LRRTM4: variants seen among roughly 807,000 people sequenced by gnomAD.
The protein encoded by LRRTM4 is leucine-rich repeat transmembrane neuronal protein 4.
Under a neutral mutation model 47.6 loss-of-function variants are expected in LRRTM4, and 25 were observed. The ratio of observed to expected loss-of-function variants is 0.53; its 90% CI spans 0.38 to 0.73. LRRTM4 has a LOEUF of 0.73. Ranked by LOEUF, LRRTM4 falls within the 30% of genes least tolerant of loss-of-function variation. LRRTM4 has a pLI of 0.00. For synonymous variants in LRRTM4, 311 were observed against 269.5 expected (o/e 1.15, Z -1.51); for missense variants, 638 against 713.4 (o/e 0.89, Z 1.20).
At chr2:76,904,198 A>G (rs1210328577) in intron 3 of LRRTM4, among the ~76,000 whole-genome samples, 1 of 152,206 alleles carries the variant, frequency 6.6e-6, no homozygotes, top group Non-Finnish European at 1.5e-5. Context: ...CTCTATTACA[A>G]TTGTCCTGGA....
chr2:77,231,571 G>T (rs536562031), intron 3 of LRRTM4, among the ~76,000 whole-genome samples: 1 of 151,752 alleles, frequency 6.6e-6, no homozygotes, highest in African/African-American at 2.4e-5. Context: ...AGCCCATAAA[G>T]CTTAACAGTT....
rs149814197 is a variant in LRRTM4, at chr2:77,063,183, C to T, written c.1552-314267G>A. ...CCATATTGGCCAGGCTGGTCTCGAA[C>T]GCCTGACCTCGTGATCCGCCCACCT... On this transcript the variant is annotated intron_variant, in intron 3 of 3. Coordinates refer to ENST00000409884, the MANE Select transcript of LRRTM4 (RefSeq NM_001134745.3). Among the ~76,000 whole-genome samples the T allele has an allele frequency of 8.2e-3, 1,240 of 152,030 alleles. 17 individuals carry two copies. The highest frequency in any genetic ancestry group is 0.027 in the African/African-American group (1,121 of 41,446).
At chr2:77,058,398 G>T (rs74391364) in intron 3 of LRRTM4, among the ~76,000 whole-genome samples, 1 of 152,162 alleles carries the variant, frequency 6.6e-6, no homozygotes, top group Non-Finnish European at 1.5e-5. Context: ...AGGCAAATGT[G>T]AAGAGAGGGC....
intron 3 of LRRTM4, among the ~76,000 whole-genome samples, chr2:77,000,055 T>C (rs1049914973): frequency 2.6e-5 from 4 of 151,904 alleles, no homozygotes; most frequent in African/African-American, 9.7e-5. Flanking sequence ...GACTGAAAAA[T>C]ATCACCTAAG....
At chr2:76,944,104 T>A (rs950080619) in intron 3 of LRRTM4, among the ~76,000 whole-genome samples, 3 of 152,206 alleles carry the variant, frequency 2.0e-5, no homozygotes, top group African/African-American at 4.8e-5. Context: ...CCTTCATAAT[T>A]GCCCCTTGCT....
intron 3 of LRRTM4, among the ~76,000 whole-genome samples, chr2:77,399,167 CTTTTTT>C (rs568671038): frequency 7.3e-6 from 1 of 136,696 alleles, no homozygotes; most frequent in East Asian, 2.1e-4. Flanking sequence ...AACAGCAGGG[CTTTTTT>C]TTTTTTTAAT....
intron 3 of LRRTM4, among the ~76,000 whole-genome samples, chr2:76,904,681 A>C (rs1169093971): frequency 6.6e-6 from 1 of 152,180 alleles, no homozygotes; most frequent in Non-Finnish European, 1.5e-5. Flanking sequence ...TGGAAAGAAC[A>C]CTGGCTTTGA....
At chr2:77,282,186 A>C (rs1415219338) in intron 3 of LRRTM4, among the ~76,000 whole-genome samples, 1 of 151,720 alleles carries the variant, frequency 6.6e-6, no homozygotes, top group Non-Finnish European at 1.5e-5. Context: ...TGGATACTTC[A>C]TTTTTTGGTG....
chr2:77,344,473 T>C (rs1573286102), intron 3 of LRRTM4, among the ~76,000 whole-genome samples: 1 of 151,778 alleles, frequency 6.6e-6, no homozygotes, highest in Non-Finnish European at 1.5e-5. Context: ...AAACTGAAGA[T>C]ATGTAATAAA....
At chr2:77,097,489 T>C (rs1670841873) in intron 3 of LRRTM4, among the ~76,000 whole-genome samples, 1 of 151,924 alleles carries the variant, frequency 6.6e-6, no homozygotes, top group South Asian at 2.1e-4. Context: ...AATTTCAAGA[T>C]TTCATGTTTT....
chr2:76,886,844 AG>A (rs1287916076), intron 3 of LRRTM4, among the ~76,000 whole-genome samples: 7 of 151,962 alleles, frequency 4.6e-5, no homozygotes. Flanking sequence ...ATAAATGAAA[AG>A]CTCATATTTT....
intron 2 of LRRTM4, among the ~76,000 whole-genome samples, chr2:77,520,722 T>C (rs1048461475): frequency 5.3e-5 from 8 of 152,102 alleles, no homozygotes; most frequent in Admixed American, 4.6e-4. Flanking sequence ...AGCCAACTAC[T>C]ATTTTTCTCT....
intron 3 of LRRTM4, among the ~76,000 whole-genome samples, chr2:77,400,866 A>C (rs1211072695): frequency 6.6e-6 from 1 of 151,904 alleles, no homozygotes; most frequent in East Asian, 1.9e-4. Context: ...AGCCCATGAA[A>C]TAAAAATGAT....
chr2:77,221,565 G>A (rs1674633060), intron 3 of LRRTM4, among the ~76,000 whole-genome samples: 1 of 152,018 alleles, frequency 6.6e-6, no homozygotes, highest in Non-Finnish European at 1.5e-5. Flanking sequence ...CCTACTCTCT[G>A]ATAAAACAGA....
At chr2:76,960,770 C>T (rs945344490) in intron 3 of LRRTM4, among the ~76,000 whole-genome samples, 6 of 151,514 alleles carry the variant, frequency 4.0e-5, no homozygotes, top group Middle Eastern at 3.4e-3. Flanking sequence ...AAACTGTAAG[C>T]CTTTTTATAT....
intron 3 of LRRTM4, among the ~76,000 whole-genome samples, chr2:76,989,073 A>G (rs1386557817): frequency 2.6e-5 from 4 of 151,818 alleles, no homozygotes; most frequent in South Asian, 2.1e-4. Flanking sequence ...TGCTTCTCAA[A>G]TAGTTATTTT....
At chr2:76,763,432 A>C (rs75199805) in intron 3 of LRRTM4, among the ~76,000 whole-genome samples, 2,724 of 152,332 alleles carry the variant, frequency 0.018, 40 homozygotes, top group Middle Eastern at 0.041. Flanking sequence ...TTGGACAAAA[A>C]CAGTCATGTG....
Position 77,184,474 on chromosome 2 carries a change from CATT to C in LRRTM4, c.1551+333841_1551+333843del, listed in dbSNP as rs546274460. On this transcript the variant is annotated intron_variant, in intron 3 of 3. Coordinates refer to ENST00000409884, the MANE Select transcript of LRRTM4 (RefSeq NM_001134745.3). ...AAAAATGGTATTGAAATGAGAATAT[CATT>C]GAGTACTCGATTTTAAAAAATTCAA... 1.6e-4 allele frequency among the ~76,000 whole-genome samples: 24 copies of C among 152,188 alleles called. No homozygotes were observed. In the South Asian group the frequency reaches 4.1e-3, roughly 26 times the overall value.
intron 3 of LRRTM4, among the ~76,000 whole-genome samples, chr2:76,960,776 T>C (rs1285326814): frequency 6.6e-6 from 1 of 151,598 alleles, no homozygotes; most frequent in Non-Finnish European, 1.5e-5. Flanking sequence ...TAAGCCTTTT[T>C]ATATAGTTGC....
Sources: allele counts gnomAD v4.1 joint callset (sites outside exome capture counted in the v4.1 genomes callset), GRCh38; gene constraint gnomAD v4.1.1; transcripts MANE v1.5; gene names NCBI Gene and HGNC (gene_info 2026-07-23, HGNC 2026-07-21).